Variants in PCNT observed in about 807,000 individuals in gnomAD.
The protein encoded by PCNT is pericentrin, also known as kendrin.
A neutral mutation model predicts 380.4 loss-of-function variants in PCNT; 319 were observed. The ratio of observed to expected loss-of-function variants is 0.84; its 90% confidence interval spans 0.77 to 0.92. The LOEUF is 0.92. PCNT is among the 40% of genes least tolerant of loss of function. The pLI is 0.00. For missense variants in PCNT, 4,400 were observed against 4,255.3 expected (o/e 1.03, Z -0.95); for synonymous variants, 1,845 against 1,735.2 (o/e 1.06, Z -1.57).
intron 15 of PCNT, among the ~76,000 whole-genome samples, chr21:46,371,876 C>G (rs1444027968): frequency 6.9e-6 from 1 of 144,798 alleles, no homozygotes; most frequent in African/African-American, 2.5e-5. Flanking sequence ...TGCACACACA[C>G]AGCACATGCA....
Position 46,426,070 on chromosome 21 carries a change from T to C in PCNT, c.7320+99T>C, listed in dbSNP as rs974721993. ...CCACGTGGACACTAGGATTTCTTTC[T>C]TTTTTTTTTTTTTTTTTTTTTTTTT... On this transcript the variant is annotated intron_variant, in intron 33 of 46. Coordinates refer to ENST00000359568, the MANE Select transcript of PCNT (RefSeq NM_006031.6). The C allele has an allele frequency of 3.2e-3, 1,349 of 420,452 alleles. 6 individuals carry two copies. Among genetic ancestry groups the C allele is most frequent in the Non-Finnish European group, 3.7e-3 (1,161 of 312,610 alleles). 26.0% of individuals were successfully genotyped at this position (420,452 alleles called of 1,614,324 possible).
chr21:46,337,530 T>C (rs748185624), intron 3 of PCNT, among the ~76,000 whole-genome samples: 3 of 152,216 alleles, frequency 2.0e-5, no homozygotes, highest in Non-Finnish European at 4.4e-5. Flanking sequence ...CACTGGCTAC[T>C]TCCTATCCTG....
chr21:46,398,271 C>G lies in PCNT; in HGVS notation c.4584+16C>G, dbSNP rs368001433. The G allele has an allele frequency of 6.3e-7, 1 of 1,599,866 alleles. No homozygotes were observed. The highest frequency in any genetic ancestry group is 8.5e-7 in the Non-Finnish European group (1 of 1,174,470). ...GGATGGAGAGGTGAGGAGGCGTCAA[C>G]GAGATGGGCACTCCCTGCGCTGGCG... On this transcript the variant is annotated intron_variant, in intron 24 of 46. Transcript: ENST00000359568.
intron 14 of PCNT, among the ~76,000 whole-genome samples, chr21:46,365,687 G>A (rs1042094012): frequency 6.8e-6 from 1 of 146,890 alleles, no homozygotes; most frequent in Non-Finnish European, 1.5e-5. Context: ...CTGCCATGGG[G>A]TTCTCCTCAC....
chr21:46,442,933 A>C, intron 44 of PCNT: 5 of 305,702 alleles, frequency 1.6e-5, no homozygotes, highest in South Asian at 3.1e-5. Flanking sequence ...TTTCTGGCTC[A>C]CTCACATCTT....
chr21:46,433,153 A>C (rs529756704), intron 38 of PCNT, among the ~76,000 whole-genome samples: 1 of 152,152 alleles, frequency 6.6e-6, no homozygotes, highest in Admixed American at 6.5e-5. Flanking sequence ...AGGCCAAGGC[A>C]GGCAGATCAT....
chr21:46,331,721 G>A (rs1005260943), intron 2 of PCNT, among the ~76,000 whole-genome samples: 2 of 151,932 alleles, frequency 1.3e-5, no homozygotes, highest in Non-Finnish European at 2.9e-5. Flanking sequence ...AGCTATGGTG[G>A]CACCACTGCA....
rs1347178034 is a variant in PCNT at position 46,427,547 on chromosome 21, T to A, written c.7321-75T>A. On this transcript the variant is annotated intron_variant, in intron 33 of 46. Transcript: ENST00000359568. ...CCGCAGGCCCCATCTCCAAACGCAG[T>A]CACACTGCGAACTTTAGGGCACAAG... 21 of 1,574,420 alleles carry A rather than the reference T, an allele frequency of 1.3e-5. No individual in the cohort carries two copies. In the Admixed American group the frequency reaches 3.5e-4, roughly 26 times the overall value.
intron 46 of PCNT, among the ~76,000 whole-genome samples, 168 bp downstream of exon 46, chr21:46,444,989 CAG>C (rs1569317984): frequency 6.6e-6 from 1 of 152,206 alleles, no homozygotes; most frequent in Admixed American, 6.5e-5. Context: ...AAGAATCTCA[CAG>C]AAGTCTAAGC....
At chr21:46,331,854 C>T (rs1302498581) in intron 2 of PCNT, among the ~76,000 whole-genome samples, 1 of 152,058 alleles carries the variant, frequency 6.6e-6, no homozygotes, top group East Asian at 1.9e-4. Context: ...GAGGAGAGGC[C>T]ATTTTTTGGT....
chr21:46,359,985 T>C (rs1775060714), intron 13 of PCNT, among the ~76,000 whole-genome samples: 1 of 150,652 alleles, frequency 6.6e-6, no homozygotes, highest in South Asian at 2.1e-4. Flanking sequence ...GCCTCCCAAG[T>C]AACTGGGAGT....
chr21:46,377,163 C>G (rs73377333), intron 15 of PCNT, among the ~76,000 whole-genome samples: 6 of 152,210 alleles, frequency 3.9e-5, no homozygotes, highest in Admixed American at 2.6e-4. Context: ...GCCCCAGTTA[C>G]TTCAGAAAAG....
At chr21:46,371,582 G>T (rs2085128791) in intron 15 of PCNT, among the ~76,000 whole-genome samples, 1 of 152,228 alleles carries the variant, frequency 6.6e-6, no homozygotes, top group African/African-American at 2.4e-5. Flanking sequence ...AAGCCAGACT[G>T]AGTAGTCGGA....
At chr21:46,375,773 T>TC (rs1416060504) in intron 15 of PCNT, among the ~76,000 whole-genome samples, 1 of 152,170 alleles carries the variant, frequency 6.6e-6, no homozygotes, top group Non-Finnish European at 1.5e-5. Flanking sequence ...CTGGGGGCTG[T>TC]CCCCCCGCGG....
chr21:46,434,892 C>T (rs16979206), intron 38 of PCNT, among the ~76,000 whole-genome samples: 19,553 of 152,290 alleles, frequency 0.13, 3,531 homozygotes, highest in African/African-American at 0.41. Context: ...CACAGGGAAG[C>T]GTCATCCGGT....
intron 8 of PCNT, among the ~76,000 whole-genome samples, 191 bp from the exon 9 acceptor site, chr21:46,351,238 T>G (rs990336993): frequency 1.1e-4 from 16 of 152,224 alleles, no homozygotes; most frequent in African/African-American, 3.9e-4. Context: ...GGGTCAGCGC[T>G]GACCGATCCC....
chr21:46,334,246 T>C, intron 2 of PCNT, 151 bp from the exon 3 acceptor site: 9 of 994,312 alleles, frequency 9.1e-6, no homozygotes, highest in South Asian at 1.4e-5. Flanking sequence ...GAATTGTTAA[T>C]GCGGAAGGTG....
At chr21:46,328,605 C>T (rs11700691) in intron 2 of PCNT, among the ~76,000 whole-genome samples, 243 of 148,764 alleles carry the variant, frequency 1.6e-3, no homozygotes, top group Non-Finnish European at 2.9e-3. Context: ...GGATTGCAGG[C>T]GCCTGCCACC....
chr21:46,368,429 C>G (rs1295773420), intron 15 of PCNT, among the ~76,000 whole-genome samples: 3 of 151,364 alleles, frequency 2.0e-5, no homozygotes, highest in South Asian at 2.1e-4. Context: ...GCCTGGGAGA[C>G]AGAGCAAGAC....
Sources: gnomAD v4.1 joint callset for allele counts (sites outside exome capture counted in the v4.1 genomes callset) on GRCh38, gnomAD v4.1.1 for gene constraint, MANE v1.5 for transcripts, NCBI Gene and HGNC (gene_info 2026-07-23, HGNC 2026-07-21) for gene names.